DIPK2B: variants seen among roughly 807,000 people sequenced by gnomAD.
DIPK2B encodes the protein divergent protein kinase domain 2B, also known as UPF0672 protein CXorf36.
In DIPK2B, 15 loss-of-function variants were observed where a neutral mutation model predicts 22.2. That is an observed-to-expected ratio of 0.68 (90% CI 0.45 to 1.04). The LOEUF (loss-of-function observed/expected upper bound fraction) is 1.04. Among genes scored for constraint, DIPK2B ranks in the 50% least tolerant of loss-of-function variants. The pLI is 0.00. For missense variants in DIPK2B, 345 were observed against 348.3 expected, an observed-to-expected ratio of 0.99 and a Z score of 0.08; for synonymous variants, 163 against 153.2, an observed-to-expected ratio of 1.06 and a Z score of -0.47.
chrX:45,158,795 G>A (rs968243671), intron 2 of DIPK2B, among the ~76,000 whole-genome samples: 1 of 111,991 alleles, frequency 8.9e-6, no homozygotes, highest in South Asian at 3.7e-4. Flanking sequence ...GAGATCATGA[G>A]GATCAAGTAA....
intron 1 of DIPK2B, 135 bp from the exon 2 acceptor site, chrX:45,192,150 G>T: frequency 1.6e-6 from 1 of 638,995 alleles, no homozygotes; most frequent in Non-Finnish European, 2.3e-6. Flanking sequence ...AATTCTTTCT[G>T]TGAGAGGACT....
intron 3 of DIPK2B, 82 bp from the exon 4 acceptor site, chrX:45,154,280 T>TATCTATCC: frequency 3.5e-6 from 1 of 287,549 alleles, no homozygotes; most frequent in Non-Finnish European, 5.5e-6. Context: ...TCTATCTCCC[T>TATCTATCC]ATCTATCTAT....
chrX:45,171,575 G>A (rs1285132228), intron 2 of DIPK2B, among the ~76,000 whole-genome samples: 4 of 110,862 alleles, frequency 3.6e-5, no homozygotes, highest in Admixed American at 9.6e-5. Flanking sequence ...ATGGAGGGCC[G>A]TGACACTTGC....
intron 1 of DIPK2B, among the ~76,000 whole-genome samples, chrX:45,198,412 A>T (rs921289749): frequency 9.0e-6 from 1 of 111,571 alleles, no homozygotes; most frequent in Non-Finnish European, 1.9e-5. Flanking sequence ...CTTTGTGCTG[A>T]GGATGACCAT....
intron 2 of DIPK2B, among the ~76,000 whole-genome samples, chrX:45,161,212 C>T (rs771942563): frequency 5.4e-5 from 6 of 112,072 alleles, no homozygotes; most frequent in Non-Finnish European, 9.4e-5. Flanking sequence ...TATTGGCCTT[C>T]GACAGCTATG....
chrX:45,171,822 T>A (rs1302087717), intron 2 of DIPK2B, among the ~76,000 whole-genome samples: 1 of 112,706 alleles, frequency 8.9e-6, no homozygotes, highest in Non-Finnish European at 1.9e-5. Flanking sequence ...GCACAGGAAC[T>A]TTGAATAATC....
intron 4 of DIPK2B, among the ~76,000 whole-genome samples, chrX:45,152,825 G>A (rs774340450): frequency 1.8e-5 from 2 of 111,451 alleles, no homozygotes; most frequent in Non-Finnish European, 3.8e-5. Flanking sequence ...CAGCTACTCA[G>A]GGGGCTGAGG....
chrX:45,155,789 C>T (rs768015673), intron 3 of DIPK2B, among the ~76,000 whole-genome samples: 184 of 109,727 alleles, frequency 1.7e-3, no homozygotes, highest in African/African-American at 5.8e-3. Flanking sequence ...TTTCTTAAAG[C>T]AGCTATATCT....
At position 45,151,663 on chromosome X, in the gene DIPK2B, C is replaced by T. The variant is rs747175485; in HGVS notation, c.1291G>A (p.Asp431Asn). The T allele has an allele frequency of 5.8e-6, 7 of 1,209,366 alleles. No homozygotes were observed. The highest frequency in any genetic ancestry group is 3.0e-5 in the East Asian group (1 of 33,775). Residue 431 changes from aspartate to asparagine, a missense_variant, in exon 5 of 5, where the codon GAT becomes AAT. Coordinates refer to ENST00000398000, the MANE Select transcript of DIPK2B (RefSeq NM_176819.4). ...TAGACACCAGCCCTTCAGAACTTAT[C>T]GTTATATTTGCAATCTGGGTAACGA... ...AYRYPDCKYNDKF is the reference protein window; with the variant it reads ...AYRYPDCKYNNKF
At chrX:45,184,710 G>A (rs996176917) in intron 2 of DIPK2B, among the ~76,000 whole-genome samples, 1 of 111,740 alleles carries the variant, frequency 8.9e-6, no homozygotes, top group Non-Finnish European at 1.9e-5. Flanking sequence ...ATATCTTTTT[G>A]TATTATTTCT....
At chrX:45,159,225 A>G (rs189198124) in intron 2 of DIPK2B, among the ~76,000 whole-genome samples, 13 of 111,804 alleles carry the variant, frequency 1.2e-4, no homozygotes, top group Non-Finnish European at 2.1e-4. Context: ...GAGATAGGAC[A>G]CTAATTGACC....
At chrX:45,185,392 C>CT (rs2148347471) in intron 2 of DIPK2B, among the ~76,000 whole-genome samples, 2 of 111,197 alleles carry the variant, frequency 1.8e-5, no homozygotes, top group South Asian at 7.6e-4. Context: ...TTGGTAACAT[C>CT]TAAGTTTAGG....
intron 2 of DIPK2B, among the ~76,000 whole-genome samples, chrX:45,174,493 T>C (rs2047105354): frequency 9.0e-6 from 1 of 110,573 alleles, no homozygotes; most frequent in Admixed American, 9.7e-5. Flanking sequence ...CAAGGTGCTA[T>C]GGGAATACAG....
At chrX:45,182,023 A>G (rs1423174238) in intron 2 of DIPK2B, among the ~76,000 whole-genome samples, 1 of 106,671 alleles carries the variant, frequency 9.4e-6, no homozygotes, top group East Asian at 2.9e-4. Context: ...GGTTATAGTG[A>G]GCTATGATCA....
chrX:45,152,486 A>T (rs1346336123), intron 4 of DIPK2B, among the ~76,000 whole-genome samples: 2 of 111,969 alleles, frequency 1.8e-5, no homozygotes, highest in Admixed American at 9.5e-5. Flanking sequence ...CTGCTACAAT[A>T]GAGTGAGGCC....
intron 2 of DIPK2B, among the ~76,000 whole-genome samples, chrX:45,185,570 C>G (rs1314751115): frequency 1.8e-5 from 2 of 110,241 alleles, no homozygotes; most frequent in Non-Finnish European, 3.8e-5. Context: ...CCCTAGTCTT[C>G]TCTTGCCTCC....
intron 2 of DIPK2B, among the ~76,000 whole-genome samples, chrX:45,160,208 C>CTT (rs1419695067): frequency 1.0e-5 from 1 of 100,147 alleles, no homozygotes. Flanking sequence ...TCAGGTAGAT[C>CTT]TTTTTTTTTT....
intron 2 of DIPK2B, among the ~76,000 whole-genome samples, chrX:45,181,070 C>T (rs780337178): frequency 9.0e-6 from 1 of 111,562 alleles, no homozygotes; most frequent in East Asian, 2.8e-4. Context: ...AAATTTGAAG[C>T]CATGCAAATT....
At chrX:45,153,595 C>A (rs995361119) in intron 4 of DIPK2B, among the ~76,000 whole-genome samples, 18 of 104,306 alleles carry the variant, frequency 1.7e-4, no homozygotes, top group African/African-American at 5.9e-4. Context: ...AAGGCAGGTC[C>A]CTGGGCCACA....
Sources: gnomAD v4.1 joint callset for allele counts (sites outside exome capture counted in the v4.1 genomes callset) on GRCh38, gnomAD v4.1.1 for gene constraint, MANE v1.5 for transcripts, NCBI Gene and HGNC (gene_info 2026-07-23, HGNC 2026-07-21) for gene names.